Variants in CYP2F1 observed in about 807,000 individuals in gnomAD.
CYP2F1 encodes the protein cytochrome P450 family 2 subfamily F member 1.
Under a neutral mutation model 40.4 loss-of-function variants are expected in CYP2F1, and 33 were observed. That is an observed-to-expected ratio of 0.82 (90% CI 0.62 to 1.09). The LOEUF is 1.09. Among genes scored for constraint, CYP2F1 ranks in the 50% least tolerant of loss-of-function variants. The probability of loss-of-function intolerance (pLI) is 0.00; values close to 1 mark genes in which losing one functional copy is unlikely to be tolerated. For synonymous variants in CYP2F1, 235 were observed against 277.2 expected (o/e 0.85, Z 1.51); for missense variants, 566 against 655.7 (o/e 0.86, Z 1.49).
At chr19:41,116,658 A>G in intron 3 of CYP2F1, 41 bp downstream of exon 3, 1 of 1,602,288 alleles carries the variant, frequency 6.2e-7, no homozygotes, top group Non-Finnish European at 8.5e-7. Context: ...GGCCTTTTCC[A>G]TATTGAGGGA....
intron 3 of CYP2F1, among the ~76,000 whole-genome samples, chr19:41,119,742 TATATATACACACACACACACAC>T (rs2032058158): frequency 1.4e-5 from 1 of 71,412 alleles, no homozygotes; most frequent in Non-Finnish European, 2.8e-5. Context: ...TATATATATA[TATATATACACACACACACACAC>T]ACACACACAC....
rs781494709 is a variant in CYP2F1 at position 41,121,469 on chromosome 19, G to C, written c.496G>C (p.Asp166His). 1 of 1,609,566 alleles carries C rather than the reference G, an allele frequency of 6.2e-7. No homozygotes were observed. The highest frequency in any genetic ancestry group is 8.5e-7 in the Non-Finnish European group (1 of 1,179,644). The change falls in exon 5 of 10, where the codon GAC becomes CAC. Residue 166 changes from aspartate to histidine, a missense_variant. Around this residue, in one of 5 missense-constraint regions of CYP2F1, gnomAD observed 264 missense variants for 275.7 expected, o/e 0.96. Coordinates refer to ENST00000331105, the MANE Select transcript of CYP2F1 (RefSeq NM_000774.5). ...CTCCTTACCCTCAGGCGAGCCCTTTGACCCCACGTTTGTGCTGAGTCGCTC... is the reference window on the plus strand; with the variant it reads ...CTCCTTACCCTCAGGCGAGCCCTTTCACCCCACGTTTGTGCTGAGTCGCTC... ...ELRKTEGEPF[D>H]PTFVLSRSVS...
chr19:41,120,331 C>T lies in CYP2F1; in HGVS notation c.335-16C>T. On this transcript the variant is annotated splice_polypyrimidine_tract_variant and intron_variant, in intron 3 of 9. Transcript: ENST00000331105. ...ATGAGTTCCCGGTTAAGCTGGTCCC[C>T]TCCTCTTCTCCCCAGGCATCGCCTT... 1 of 1,577,170 alleles carries T rather than the reference C, an allele frequency of 6.3e-7. No homozygotes were observed. The highest frequency in any genetic ancestry group is 8.6e-7 in the Non-Finnish European group (1 of 1,164,336).
At position 41,116,514 on chromosome 19, in the gene CYP2F1, C is replaced by G; in HGVS notation, c.231C>G (p.Val77=). Residue 77 remains valine, a synonymous_variant, in exon 3 of 10, where the codon GTC becomes GTG. Coordinates refer to ENST00000331105, the MANE Select transcript of CYP2F1 (RefSeq NM_000774.5). Reference sequence around the variant, plus strand: ...ACCTGGGACCCAGGCGGGTGGTGGTCCTCAGCGGGTACCAAGCTGTGAAGG... The same window carrying G: ...ACCTGGGACCCAGGCGGGTGGTGGTGCTCAGCGGGTACCAAGCTGTGAAGG... ...TVHLGPRRVV[V]LSGYQAVKEA... The G allele has an allele frequency of 8.1e-6, 13 of 1,613,976 alleles. No individual in the cohort carries two copies. The highest frequency in any genetic ancestry group is 1.0e-5 in the Non-Finnish European group (12 of 1,179,978).
chr19:41,119,733 A>C lies in CYP2F1; in HGVS notation c.335-614A>C, dbSNP rs1440501219. ...TCTCTCTCTCTCTCTCTATATATAT[A>C]TATATATATATATATACACACACAC... On this transcript the variant is annotated intron_variant, in intron 3 of 9. Coordinates refer to ENST00000331105, the MANE Select transcript of CYP2F1 (RefSeq NM_000774.5). 3.6e-4 allele frequency among the ~76,000 whole-genome samples: 20 copies of C among 55,698 alleles called. 1 individual carries two copies. The highest frequency in any genetic ancestry group is 3.6e-4 in the Non-Finnish European group (10 of 28,066). 36.5% of individuals were successfully genotyped at this position (55,698 alleles called of 152,430 possible).
chr19:41,127,593 G>A (rs557919377), intron 9 of CYP2F1, among the ~76,000 whole-genome samples: 7 of 152,200 alleles, frequency 4.6e-5, no homozygotes, highest in South Asian at 2.1e-4. Context: ...CTCGGCCTCC[G>A]AAAATGCTGG....
chr19:41,117,465 C>T (rs1416254098), intron 3 of CYP2F1, among the ~76,000 whole-genome samples: 4 of 152,068 alleles, frequency 2.6e-5, no homozygotes, highest in Non-Finnish European at 5.9e-5. Flanking sequence ...TCCCCCAATC[C>T]CAGCCCCATC....
chr19:41,116,250 C>A lies in CYP2F1; in HGVS notation c.62C>A (p.Thr21Asn). 6.2e-7 allele frequency: 1 copy of A among 1,614,108 alleles called. No homozygotes were observed. The highest frequency in any genetic ancestry group is 8.5e-7 in the Non-Finnish European group (1 of 1,180,016). Residue 21 changes from threonine (T) to asparagine (N), a missense_variant, in exon 2 of 10, where the codon ACC becomes AAC. Thr to Asn is a moderately conservative substitution (Grantham distance 65). Coordinates refer to ENST00000331105, the MANE Select transcript of CYP2F1 (RefSeq NM_000774.5). Reference protein sequence around the residue: ...LLLALVCLLLTLSSRDKGKLP... With the variant: ...LLLALVCLLLNLSSRDKGKLP... The stretch of plus-strand genomic sequence containing the variant: ...CTGGCTCTCGTCTGTCTGCTCCTGA[C>A]CCTAAGCTCAAGAGATAAGGGAAAG...
rs1235827825 is a variant in CYP2F1 at position 41,124,873 on chromosome 19, G to A, written c.1119G>A (p.Arg373=). 5 of 1,609,586 alleles carry A rather than the reference G, an allele frequency of 3.1e-6. No individual in the cohort carries two copies. Residue 373 remains arginine (R), a synonymous_variant, in exon 8 of 10, where the codon AGG becomes AGA. Coordinates refer to ENST00000331105, the MANE Select transcript of CYP2F1 (RefSeq NM_000774.5). ...TGAACTTGCCGCACCGCGTCACTAG[G>A]GACACGGCCTTTCGCGGCTTCCTGA... ...IPMNLPHRVT[R]DTAFRGFLIP...
chr19:41,123,958 C>A (rs2032379590), intron 7 of CYP2F1, among the ~76,000 whole-genome samples: 1 of 152,088 alleles, frequency 6.6e-6, no homozygotes, highest in Non-Finnish European at 1.5e-5. Flanking sequence ...GCCTGGCCCA[C>A]ACACACAGCT....
chr19:41,125,028 C>T lies in CYP2F1; in HGVS notation c.1152+122C>T, dbSNP rs1599684179. On this transcript the variant is annotated intron_variant, in intron 8 of 9. Coordinates refer to ENST00000331105, the MANE Select transcript of CYP2F1 (RefSeq NM_000774.5). ...CCCCAGGCCTTAGCAACTGGCATCC[C>T]AAGCCCTAGCTACAGACATCTCAGA... The T allele has an allele frequency of 1.6e-5, 13 of 806,750 alleles. No individual in the cohort carries two copies. In the East Asian group the frequency reaches 1.7e-4, roughly 10 times the overall value. 50.0% of individuals were successfully genotyped at this position (806,750 alleles called of 1,614,324 possible). A position where few individuals can be genotyped will look rare whatever the true frequency, so the allele number is the denominator to read the frequency against.
intron 1 of CYP2F1, among the ~76,000 whole-genome samples, chr19:41,115,049 C>T (rs1411185073): frequency 2.6e-5 from 4 of 152,078 alleles, no homozygotes; most frequent in African/African-American, 4.8e-5. Flanking sequence ...GGATTACAGG[C>T]GTGAGCCACC....
In CYP2F1 at chr19:41,127,994, G is replaced by A; in HGVS notation, c.1388G>A (p.Gly463Asp). Reference protein sequence around the residue: ...ILQSFSLQPLGAPEDIDLTPL... With the variant: ...ILQSFSLQPLDAPEDIDLTPL... ...CAGAGCTTTTCGCTGCAGCCGCTGG[G>A]TGCGCCCGAGGACATCGACCTGACC... The change falls in exon 10 of 10, where the codon GGT becomes GAT. Residue 463 changes from glycine to aspartate, a missense_variant. This residue lies in a region of CYP2F1 where 85 missense variants were observed against 84.9 expected (regional missense o/e 1.00). Coordinates refer to ENST00000331105, the MANE Select transcript of CYP2F1 (RefSeq NM_000774.5). 6.2e-7 allele frequency: 1 copy of A among 1,613,364 alleles called. No homozygotes were observed. The highest frequency in any genetic ancestry group is 2.2e-5 in the East Asian group (1 of 44,868).
chr19:41,125,813 G>A, intron 9 of CYP2F1, 179 bp downstream of exon 9: 1 of 1,373,044 alleles, frequency 7.3e-7, no homozygotes, highest in African/African-American at 1.5e-5. Context: ...AAATCCTCGT[G>A]AAGCAAGGTG....
intron 1 of CYP2F1, 138 bp downstream of exon 1, chr19:41,114,630 T>C (rs556940556): frequency 2.0e-5 from 3 of 152,376 alleles, no homozygotes; most frequent in Admixed American, 6.5e-5. Context: ...CATGTCCCTG[T>C]TCTGAGCACT....
chr19:41,124,957 A>G (rs1259386291), intron 8 of CYP2F1, 51 bp downstream of exon 8: 1 of 1,498,282 alleles, frequency 6.7e-7, no homozygotes, highest in East Asian at 2.3e-5. Flanking sequence ...GAGGCATCGC[A>G]GGCTCTTGCA....
rs1408417514 is a variant in CYP2F1 at position 41,116,591 on chromosome 19, C to T, written c.308C>T (p.Ala103Val). ...TTTAGTGGCCGCGGTGACTACCCTGCCTTTTTCAACTTTACCAAGGGCAAT... is the reference window on the plus strand; with the variant it reads ...TTTAGTGGCCGCGGTGACTACCCTGTCTTTTTCAACTTTACCAAGGGCAAT... ...EEFSGRGDYPAFFNFTKGNGI... is the reference protein window; with the variant it reads ...EEFSGRGDYPVFFNFTKGNGI... The change falls in exon 3 of 10, where the codon GCC (alanine) becomes GTC (valine). Residue 103 changes from alanine (A) to valine (V), a missense_variant. This residue lies in a region of CYP2F1 where 264 missense variants were observed against 275.7 expected (regional missense o/e 0.96). Coordinates refer to ENST00000331105, the MANE Select transcript of CYP2F1 (RefSeq NM_000774.5). 3.1e-6 allele frequency: 5 copies of T among 1,613,814 alleles called. No individual in the cohort carries two copies. Among genetic ancestry groups the T allele is most frequent in the Admixed American group, 1.7e-5 (1 of 59,950 alleles).
chr19:41,124,695 C>CCCCGCTT, intron 7 of CYP2F1, 24 bp from the exon 8 acceptor site: 1 of 1,593,350 alleles, frequency 6.3e-7, no homozygotes, highest in Non-Finnish European at 8.5e-7. Flanking sequence ...ATACCCTCGA[C>CCCCGCTT]CCCGCTTCCC....
intron 3 of CYP2F1, among the ~76,000 whole-genome samples, chr19:41,117,085 C>A (rs796259029): frequency 6.6e-6 from 1 of 152,044 alleles, no homozygotes; most frequent in Non-Finnish European, 1.5e-5. Flanking sequence ...CCAGTCCCCA[C>A]TTTAAATTCT....
Sources: allele counts gnomAD v4.1 joint callset (sites outside exome capture counted in the v4.1 genomes callset), GRCh38; gene constraint gnomAD v4.1.1; regional missense constraint gnomAD v4.1.1; transcripts MANE v1.5; gene names NCBI Gene and HGNC (gene_info 2026-07-23, HGNC 2026-07-21).